Variants in SNX24 observed in about 807,000 individuals in gnomAD.
The protein encoded by SNX24 is sorting nexin 24.
Under a neutral mutation model 28.7 loss-of-function variants are expected in SNX24, and 22 were observed. The observed-to-expected ratio is 0.77, with a 90% CI of 0.55 to 1.10. The LOEUF (loss-of-function observed/expected upper bound fraction) is 1.10, where lower values mean the gene tolerates loss of function less well. Among genes scored for constraint, SNX24 ranks in the 50% least tolerant of loss-of-function variants. The probability of loss-of-function intolerance (pLI) is 0.00; values close to 1 mark genes in which losing one functional copy is unlikely to be tolerated. For missense variants in SNX24, 221 were observed against 201.1 expected (o/e 1.10, Z -0.60); for synonymous variants, 69 against 71.5 (o/e 0.96, Z 0.18).
intron 1 of SNX24, among the ~76,000 whole-genome samples, chr5:122,880,616 A>G (rs1461044102): frequency 6.6e-6 from 1 of 152,214 alleles, no homozygotes; most frequent in African/African-American, 2.4e-5. Context: ...TTAGTCTGCA[A>G]GGCTTCATTT....
At chr5:123,014,506 C>A (rs1762648389) in intron 5 of SNX24, among the ~76,000 whole-genome samples, 1 of 151,898 alleles carries the variant, frequency 6.6e-6, no homozygotes, top group Admixed American at 6.6e-5. Flanking sequence ...ACGCTTAAAT[C>A]AGAACTAGTA....
intron 1 of SNX24, among the ~76,000 whole-genome samples, chr5:122,913,166 C>A (rs1380779027): frequency 6.6e-6 from 1 of 152,260 alleles, no homozygotes; most frequent in Non-Finnish European, 1.5e-5. Context: ...CCCCACCTTT[C>A]CCCCTTTTCT....
chr5:122,855,385 A>G (rs546110581), intron 1 of SNX24, among the ~76,000 whole-genome samples: 7 of 152,268 alleles, frequency 4.6e-5, no homozygotes, highest in Admixed American at 2.0e-4. Flanking sequence ...CCAATTTCCT[A>G]AGACAATTAA....
chr5:122,919,990 G>A (rs1758352044), intron 1 of SNX24, among the ~76,000 whole-genome samples: 1 of 152,174 alleles, frequency 6.6e-6, no homozygotes, highest in African/African-American at 2.4e-5. Context: ...TGAGAATGAG[G>A]GCAGGTGTTT....
chr5:122,979,129 C>T (rs978590831), intron 3 of SNX24, among the ~76,000 whole-genome samples: 1 of 152,210 alleles, frequency 6.6e-6, no homozygotes, highest in African/African-American at 2.4e-5. Context: ...CATTTGCCCT[C>T]ATGAACAGAG....
chr5:122,914,787 A>C (rs961312761), intron 1 of SNX24, among the ~76,000 whole-genome samples: 1 of 151,412 alleles, frequency 6.6e-6, no homozygotes, highest in Admixed American at 6.6e-5. Context: ...TCTTCTCTCT[A>C]TTTTTCTTTA....
intron 2 of SNX24, among the ~76,000 whole-genome samples, chr5:122,938,617 T>G (rs1473721990): frequency 3.3e-5 from 5 of 152,182 alleles, no homozygotes; most frequent in Admixed American, 3.3e-4. Flanking sequence ...CCCTTGTGAT[T>G]GTATTCGATT....
intron 1 of SNX24, among the ~76,000 whole-genome samples, chr5:122,911,482 C>T (rs1480527352): frequency 6.6e-6 from 1 of 151,408 alleles, no homozygotes; most frequent in East Asian, 1.9e-4. Context: ...AATTAGATCC[C>T]ATTTGTCAAT....
chr5:122,913,422 G>A (rs1056793549), intron 1 of SNX24, among the ~76,000 whole-genome samples: 2 of 151,114 alleles, frequency 1.3e-5, no homozygotes, highest in Admixed American at 1.3e-4. Flanking sequence ...CCCGGACGGG[G>A]CGGCTGGCCG....
downstream of SNX24, among the ~76,000 whole-genome samples, chr5:123,014,033 T>C (rs1482732969): frequency 6.6e-6 from 1 of 152,200 alleles, no homozygotes; most frequent in Non-Finnish European, 1.5e-5. Flanking sequence ...ACAACATCTT[T>C]AAAAATGTGT....
At chr5:122,986,976 A>G (rs1033267665) in intron 3 of SNX24, among the ~76,000 whole-genome samples, 1 of 152,176 alleles carries the variant, frequency 6.6e-6, no homozygotes, top group Non-Finnish European at 1.5e-5. Flanking sequence ...ATTGAGAGCC[A>G]GAGCAGAGAT....
At chr5:122,901,859 C>G (rs919012121) in intron 1 of SNX24, among the ~76,000 whole-genome samples, 3 of 152,220 alleles carry the variant, frequency 2.0e-5, no homozygotes, top group Non-Finnish European at 4.4e-5. Context: ...TAATGGGTGT[C>G]TGTCCCTGGA....
intron 3 of SNX24, among the ~76,000 whole-genome samples, chr5:122,997,413 A>G (rs1452576135): frequency 6.6e-6 from 1 of 152,200 alleles, no homozygotes; most frequent in Non-Finnish European, 1.5e-5. Flanking sequence ...TATCTTACGT[A>G]AAGCAATGTG....
At chr5:122,942,465 T>C (rs1364213852) in intron 2 of SNX24, among the ~76,000 whole-genome samples, 1 of 152,248 alleles carries the variant, frequency 6.6e-6, no homozygotes, top group Admixed American at 6.5e-5. Context: ...TCCCGCTTCT[T>C]TAACTTTTCT....
rs912647101 is a variant in SNX24, at chr5:123,027,786, T to G, written n.384-1452T>G. Among the ~76,000 whole-genome samples the G allele has an allele frequency of 4.6e-5, 7 of 152,246 alleles. 1 individual carries two copies. Among genetic ancestry groups the G allele is most frequent in the South Asian group, 2.1e-4 (1 of 4,796 alleles). The stretch of plus-strand genomic sequence containing the variant: ...ACAAATATCCACCGAAACCAGTATT[T>G]GTTGAATTAAAAATCTTAAATCTAA... On this transcript the variant is annotated intron_variant and non_coding_transcript_variant, in intron 5 of 5. Transcript: ENST00000502387.
chr5:122,877,972 G>C (rs929541931), intron 1 of SNX24, among the ~76,000 whole-genome samples: 2 of 152,120 alleles, frequency 1.3e-5, no homozygotes, highest in Admixed American at 1.3e-4. Context: ...GATGATGCTT[G>C]AGACTCAACC....
At position 122,968,517 on chromosome 5, in the gene SNX24, T is replaced by A. The variant is rs570952224; in HGVS notation, c.249+22358T>A. Among the ~76,000 whole-genome samples, 128 of 152,314 alleles carry A rather than the reference T, an allele frequency of 8.4e-4. 1 individual carries two copies. In the South Asian group the frequency reaches 0.017, roughly 20 times the overall value. ...CAAGAAGGGCAATTTCCTGACCAAA[T>A]CTCATCAGGAAATCTTTGTATTTTA... On this transcript the variant is annotated intron_variant, in intron 3 of 6. Transcript: ENST00000261369.
At chr5:123,023,258 T>C (rs1443122648) in intron 5 of SNX24, 6 of 152,390 alleles carry the variant, frequency 3.9e-5, no homozygotes. Flanking sequence ...TTCTGAGTTA[T>C]CTAATTATGT....
chr5:122,959,296 T>C (rs1760368026), intron 3 of SNX24, among the ~76,000 whole-genome samples: 1 of 151,580 alleles, frequency 6.6e-6, no homozygotes, highest in Non-Finnish European at 1.5e-5. Context: ...CTTTTTTTTT[T>C]TTCGTGTATT....
Sources: allele counts gnomAD v4.1 joint callset (sites outside exome capture counted in the v4.1 genomes callset), GRCh38; gene constraint gnomAD v4.1.1; transcripts MANE v1.5; gene names NCBI Gene and HGNC (gene_info 2026-07-23, HGNC 2026-07-21).